The following GRIN2A variants were observed in gnomAD, a reference collection of about 807,000 sequenced individuals.
GRIN2A encodes glutamate ionotropic receptor NMDA type subunit 2A.
GRIN2A carries 22 observed loss-of-function variants against 113.4 expected under a neutral mutation model. That is an observed-to-expected ratio of 0.19 (90% CI 0.14 to 0.28). The LOEUF is 0.28. GRIN2A is among the 10% of genes least tolerant of loss of function. The probability of loss-of-function intolerance (pLI) is 1.00; values close to 1 mark genes in which losing one functional copy is unlikely to be tolerated. For synonymous variants in GRIN2A, 827 were observed against 738.4 expected, an observed-to-expected ratio of 1.12 and a Z score of -1.94; for missense variants, 1,502 against 1,887.0, an observed-to-expected ratio of 0.80 and a Z score of 3.78.
chr16:9,862,449 T>C (rs1336287355), intron 4 of GRIN2A, among the ~76,000 whole-genome samples: 1 of 152,224 alleles, frequency 6.6e-6, no homozygotes, highest in Non-Finnish European at 1.5e-5. Flanking sequence ...GTTATTTCCA[T>C]GAACAACCCG....
intron 3 of GRIN2A, among the ~76,000 whole-genome samples, chr16:9,917,348 G>GGT (rs1171919243): frequency 6.6e-6 from 1 of 152,152 alleles, no homozygotes; most frequent in Non-Finnish European, 1.5e-5. Flanking sequence ...TGTTTTCACT[G>GGT]GTGTATCCCC....
At chr16:9,945,450 G>C (rs1008301624) in intron 2 of GRIN2A, among the ~76,000 whole-genome samples, 1 of 152,176 alleles carries the variant, frequency 6.6e-6, no homozygotes, top group Admixed American at 6.5e-5. Flanking sequence ...GCAAGAGAGA[G>C]TGGTGAGACA....
chr16:10,130,957 G>A (rs779566754), intron 2 of GRIN2A, among the ~76,000 whole-genome samples: 16 of 152,222 alleles, frequency 1.1e-4, no homozygotes, highest in Non-Finnish European at 2.1e-4. Context: ...AAGAGGGACA[G>A]AGGCAGCAAT....
chr16:10,085,577 T>A (rs916828159), intron 2 of GRIN2A, among the ~76,000 whole-genome samples: 1 of 152,126 alleles, frequency 6.6e-6, no homozygotes, highest in African/African-American at 2.4e-5. Context: ...GTGCAAATCT[T>A]ATCAGGAAGG....
At chr16:10,063,091 G>C (rs983691013) in intron 2 of GRIN2A, among the ~76,000 whole-genome samples, 7 of 152,162 alleles carry the variant, frequency 4.6e-5, no homozygotes, top group African/African-American at 1.7e-4. Flanking sequence ...GATGGAGCTG[G>C]AGGACATTAT....
intron 3 of GRIN2A, among the ~76,000 whole-genome samples, chr16:9,909,802 G>A (rs977099377): frequency 6.6e-6 from 1 of 152,178 alleles, no homozygotes; most frequent in African/African-American, 2.4e-5. Flanking sequence ...CAAACCCACT[G>A]TTTCATATAT....
At chr16:10,089,806 A>T (rs1448576680) in intron 2 of GRIN2A, among the ~76,000 whole-genome samples, 1 of 152,226 alleles carries the variant, frequency 6.6e-6, no homozygotes, top group African/African-American at 2.4e-5. Flanking sequence ...AAAATTTATA[A>T]CTAACAACAA....
At chr16:9,843,558 C>CT (rs2042719871) in intron 5 of GRIN2A, among the ~76,000 whole-genome samples, 2 of 152,310 alleles carry the variant, frequency 1.3e-5, no homozygotes, top group South Asian at 4.1e-4. Flanking sequence ...CAATGCTTTC[C>CT]TTTATCTCAG....
At position 9,760,251 on chromosome 16, in the gene GRIN2A, G is replaced by A. The variant is rs1297261608; in HGVS notation, c.*2898C>T. On this transcript the variant is annotated 3_prime_UTR_variant, in exon 13 of 13. Coordinates refer to ENST00000330684, the MANE Select transcript of GRIN2A (RefSeq NM_001134407.3). ...AATTCTTGTTACTTCTCATACTGTG[G>A]GTTCCATTTACCACTGGACGTTACA... 1 of 228,538 alleles carries A rather than the reference G, an allele frequency of 4.4e-6. No individual in the cohort carries two copies. The highest frequency in any genetic ancestry group is 2.2e-5 in the African/African-American group (1 of 45,048). The allele number at this position is 228,538 out of a possible 1,614,324, so 14.2% of individuals were successfully genotyped here.
intron 2 of GRIN2A, among the ~76,000 whole-genome samples, chr16:10,169,470 G>T (rs1377157806): frequency 1.3e-5 from 2 of 152,196 alleles, no homozygotes; most frequent in Admixed American, 1.3e-4. Context: ...CCACTGACAT[G>T]TAAGAGGAAG....
chr16:9,890,917 C>A, intron 4 of GRIN2A, 69 bp downstream of exon 4: 1 of 941,326 alleles, frequency 1.1e-6, no homozygotes, highest in Non-Finnish European at 1.8e-6. Flanking sequence ...GAGAAAGAAG[C>A]ACTGTGAGCC....
chr16:10,057,899 C>A (rs1384632467), intron 2 of GRIN2A, among the ~76,000 whole-genome samples: 1 of 152,208 alleles, frequency 6.6e-6, no homozygotes, highest in African/African-American at 2.4e-5. Flanking sequence ...TGCCAACGAC[C>A]ACTTTGGCAG....
intron 10 of GRIN2A, among the ~76,000 whole-genome samples, chr16:9,815,684 C>T (rs141953365): frequency 6.6e-6 from 1 of 152,208 alleles, no homozygotes; most frequent in African/African-American, 2.4e-5. Context: ...GGTGGGAATG[C>T]AAATGGGACT....
At chr16:10,089,587 A>ATG (rs2142077432) in intron 2 of GRIN2A, among the ~76,000 whole-genome samples, 1 of 152,242 alleles carries the variant, frequency 6.6e-6, no homozygotes, top group South Asian at 2.1e-4. Flanking sequence ...AGTTTGGGGT[A>ATG]TGTGTGCTTC....
At chr16:9,779,637 C>T (rs567096531) in intron 11 of GRIN2A, among the ~76,000 whole-genome samples, 23 of 152,182 alleles carry the variant, frequency 1.5e-4, no homozygotes, top group African/African-American at 9.6e-5. Flanking sequence ...CAGAACCATC[C>T]GTAACTAAAG....
intron 2 of GRIN2A, among the ~76,000 whole-genome samples, chr16:10,140,480 A>G (rs1337611311): frequency 6.6e-6 from 1 of 152,180 alleles, no homozygotes; most frequent in East Asian, 1.9e-4. Context: ...CTCTCAATCT[A>G]GTAAATTTTT....
chr16:9,786,020 GT>G (rs1255267442), intron 11 of GRIN2A, among the ~76,000 whole-genome samples: 1 of 152,226 alleles, frequency 6.6e-6, no homozygotes, highest in Non-Finnish European at 1.5e-5. Flanking sequence ...ATGGCACCCA[GT>G]TCTTCCTAAC....
At position 10,155,466 on chromosome 16, in the gene GRIN2A, T is replaced by C. The variant is rs113404727; in HGVS notation, c.414+24532A>G. Among the ~76,000 whole-genome samples the C allele has an allele frequency of 7.5e-3, 1,136 of 152,324 alleles. 9 individuals are homozygous for C. The highest frequency in any genetic ancestry group is 0.024 in the Middle Eastern group (7 of 294). On this transcript the variant is annotated intron_variant, in intron 2 of 12. Coordinates refer to ENST00000330684, the MANE Select transcript of GRIN2A (RefSeq NM_001134407.3). ...CTGAGCCTCATATTTCACATCTGTA[T>C]GATGGTTCAAGTTAAATAGTGGACA...
intron 2 of GRIN2A, among the ~76,000 whole-genome samples, chr16:10,105,760 A>G (rs1001286763): frequency 2.0e-5 from 3 of 151,976 alleles, no homozygotes; most frequent in Non-Finnish European, 4.4e-5. Context: ...TACAAAAATT[A>G]GCTGGGCATG....
Sources: gnomAD v4.1 joint callset for allele counts (sites outside exome capture counted in the v4.1 genomes callset) on GRCh38, gnomAD v4.1.1 for gene constraint, MANE v1.5 for transcripts, NCBI Gene and HGNC (gene_info 2026-07-23, HGNC 2026-07-21) for gene names.